SIN3A: variants seen among roughly 807,000 people sequenced by gnomAD.
SIN3A encodes paired amphipathic helix protein Sin3a.
In SIN3A, 14 loss-of-function variants were observed where a neutral mutation model predicts 146.1. That is an observed-to-expected ratio of 0.10 (90% CI 0.06 to 0.15). SIN3A has a LOEUF of 0.15. SIN3A is among the 10% of genes least tolerant of loss of function. The pLI is 1.00. For missense variants in SIN3A, 1,028 were observed against 1,576.0 expected, an observed-to-expected ratio of 0.65 and a Z score of 5.89; for synonymous variants, 572 against 572.0, an observed-to-expected ratio of 1.00 and a Z score of 0.00.
intron 18 of SIN3A, 29 bp downstream of exon 18, chr15:75,381,584 C>G (rs2072970919): frequency 1.5e-5 from 24 of 1,558,878 alleles, no homozygotes; most frequent in Non-Finnish European, 2.1e-5. Context: ...CTGCTTGGCA[C>G]CTGGGGTCTG....
intron 1 of SIN3A, among the ~76,000 whole-genome samples, chr15:75,432,575 T>C (rs2074030551): frequency 6.8e-6 from 1 of 146,702 alleles, no homozygotes; most frequent in Non-Finnish European, 1.5e-5. Context: ...TAAAACCTGC[T>C]ACTTGGGAGG....
intron 1 of SIN3A, among the ~76,000 whole-genome samples, chr15:75,441,324 A>T (rs1190431216): frequency 1.3e-5 from 2 of 148,966 alleles, no homozygotes; most frequent in Non-Finnish European, 1.5e-5. Context: ...AAAACAAAAT[A>T]AAAAAAAAAC....
chr15:75,425,041 C>T lies in SIN3A; in HGVS notation c.190-2218G>A, dbSNP rs763676742. Among the ~76,000 whole-genome samples, 30 of 151,062 alleles carry T rather than the reference C, an allele frequency of 2.0e-4. 1 individual carries two copies. Among genetic ancestry groups the T allele is most frequent in the Admixed American group, 2.0e-3 (30 of 15,208 alleles). ...GCACATTACACTGGCTGACAAAGAC[C>T]CTGTCTCAAAAAAATAATAAAAGCA... On this transcript the variant is annotated intron_variant, in intron 2 of 20. Coordinates refer to ENST00000394947, the MANE Select transcript of SIN3A (RefSeq NM_001145358.2).
At chr15:75,387,294 G>A (rs1410950529) in intron 16 of SIN3A, among the ~76,000 whole-genome samples, 4 of 152,114 alleles carry the variant, frequency 2.6e-5, no homozygotes, top group Non-Finnish European at 4.4e-5. Context: ...GGAGGCTGAA[G>A]TAGGTGAATT....
At chr15:75,384,926 C>A (rs2073051179) in intron 16 of SIN3A, among the ~76,000 whole-genome samples, 1 of 152,148 alleles carries the variant, frequency 6.6e-6, no homozygotes, top group South Asian at 2.1e-4. Flanking sequence ...GTAATCCCAG[C>A]ACTTTGGGAG....
chr15:75,402,398 G>C (rs886578513), intron 9 of SIN3A, among the ~76,000 whole-genome samples: 4 of 151,796 alleles, frequency 2.6e-5, no homozygotes, highest in Non-Finnish European at 5.9e-5. Context: ...TGTAATTCCA[G>C]CTACTTGGGT....
upstream of SIN3A, among the ~76,000 whole-genome samples, chr15:75,454,498 G>T (rs910973817): frequency 1.3e-5 from 2 of 151,098 alleles, no homozygotes; most frequent in South Asian, 4.1e-4. Flanking sequence ...CGGCCGGGAC[G>T]GTTCCCGCCG....
At chr15:75,416,633 CCTGA>C (rs1348700432) in intron 3 of SIN3A, among the ~76,000 whole-genome samples, 2 of 152,126 alleles carry the variant, frequency 1.3e-5, no homozygotes, top group Non-Finnish European at 2.9e-5. Context: ...GCCTAGATTC[CCTGA>C]CTTTTAACAC....
rs541219573 is a variant in SIN3A at position 75,370,759 on chromosome 15, A to T, written c.*1220T>A. The T allele has an allele frequency of 1.3e-5, 2 of 152,316 alleles. No homozygotes were observed. The highest frequency in any genetic ancestry group is 4.8e-5 in the African/African-American group (2 of 41,572). 9.4% of individuals were successfully genotyped at this position (152,316 alleles called of 1,614,324 possible). On this transcript the variant is annotated 3_prime_UTR_variant, in exon 21 of 21. Transcript: ENST00000394947. ...TCAGATTATTTGAACAAGGGAAAAA[A>T]ACACGTACTAAAAGACTTAAGTATT... is the stretch of plus-strand genomic sequence containing the variant.
At chr15:75,445,611 C>T (rs1164026391) in intron 1 of SIN3A, among the ~76,000 whole-genome samples, 1 of 147,438 alleles carries the variant, frequency 6.8e-6, no homozygotes, top group Non-Finnish European at 1.5e-5. Context: ...GGTGTAGTGG[C>T]GCATGCCTGT....
At chr15:75,375,621 T>C in intron 20 of SIN3A, 44 bp downstream of exon 20, 2 of 1,497,352 alleles carry the variant, frequency 1.3e-6, no homozygotes, top group Admixed American at 1.7e-5. Flanking sequence ...TGGTCCTAGC[T>C]AGGGTGGGAG....
intron 3 of SIN3A, among the ~76,000 whole-genome samples, chr15:75,417,896 T>G (rs1440290168): frequency 6.6e-6 from 1 of 152,184 alleles, no homozygotes; most frequent in Non-Finnish European, 1.5e-5. Context: ...TGAACCAGTG[T>G]TAGTCCCTTC....
intron 1 of SIN3A, 41 bp from the exon 2 acceptor site, chr15:75,430,449 C>T (rs1446626693): frequency 2.0e-6 from 3 of 1,469,538 alleles, no homozygotes; most frequent in East Asian, 2.4e-5. Context: ...TCAATTCTCA[C>T]TCCAGTATGA....
rs2072758779 is a variant in SIN3A at position 75,371,935 on chromosome 15, C to A, written c.*44G>T. 19 of 1,550,726 alleles carry A rather than the reference C, an allele frequency of 1.2e-5. No homozygotes were observed. Among genetic ancestry groups the A allele is most frequent in the Non-Finnish European group, 1.6e-5 (18 of 1,123,508 alleles). ...GTGTGTGAGTGCATAGGCCCACACA[C>A]ACATCCCCACACACACCCCAAGTTA... On this transcript the variant is annotated 3_prime_UTR_variant, in exon 21 of 21. Coordinates refer to ENST00000394947, the MANE Select transcript of SIN3A (RefSeq NM_001145358.2).
At chr15:75,446,167 T>A (rs2074303408) in intron 1 of SIN3A, 1 of 151,938 alleles carries the variant, frequency 6.6e-6, no homozygotes, top group East Asian at 1.9e-4. Flanking sequence ...CAGTGACAGG[T>A]ATCAAGAACA....
chr15:75,433,670 C>T (rs1167685976), intron 1 of SIN3A, among the ~76,000 whole-genome samples: 1 of 151,920 alleles, frequency 6.6e-6, no homozygotes, highest in East Asian at 1.9e-4. Context: ...ATTAGCCAGG[C>T]GTAGTGGCGG....
intron 1 of SIN3A, among the ~76,000 whole-genome samples, chr15:75,435,108 C>G (rs760058169): frequency 4.0e-5 from 6 of 151,668 alleles, no homozygotes; most frequent in Non-Finnish European, 8.8e-5. Flanking sequence ...ATGTGCATAC[C>G]CATCCCATGC....
intron 18 of SIN3A, among the ~76,000 whole-genome samples, chr15:75,381,312 G>A (rs753683932): frequency 1.3e-5 from 2 of 152,172 alleles, no homozygotes; most frequent in Non-Finnish European, 2.9e-5. Flanking sequence ...AAGATGACAT[G>A]AGAAAGACCT....
chr15:75,371,500 C>CT lies in SIN3A; in HGVS notation c.*478dup, dbSNP rs141122648. The CT allele has an allele frequency of 3.9e-5, 6 of 154,228 alleles. No individual in the cohort carries two copies. Among genetic ancestry groups the CT allele is most frequent in the African/African-American group, 4.8e-5 (2 of 41,428 alleles). 9.6% of individuals were successfully genotyped at this position (154,228 alleles called of 1,614,324 possible). ...ACCAGAAAAAAAAAATCAAATCCAGCTTTTTTTTCCTTTTGTGGGGAGGGG... is the reference window on the plus strand; with the variant it reads ...ACCAGAAAAAAAAAATCAAATCCAGCTTTTTTTTTCCTTTTGTGGGGAGGGG... On this transcript the variant is annotated 3_prime_UTR_variant, in exon 21 of 21. Transcript: ENST00000394947.
Sources: allele counts gnomAD v4.1 joint callset (sites outside exome capture counted in the v4.1 genomes callset), GRCh38; gene constraint gnomAD v4.1.1; transcripts MANE v1.5; gene names NCBI Gene and HGNC (gene_info 2026-07-23, HGNC 2026-07-21).